The following OXNAD1 variants were observed in gnomAD, a reference collection of about 807,000 sequenced individuals.
OXNAD1 encodes oxidoreductase NAD-binding domain-containing protein 1.
OXNAD1 carries 34 observed loss-of-function variants against 32.9 expected under a neutral mutation model. That is an observed-to-expected ratio of 1.03 (90% confidence interval 0.79 to 1.38). OXNAD1 has a LOEUF of 1.38. Ranked by LOEUF, OXNAD1 falls within the 40% of genes most tolerant of loss-of-function variation. The pLI, the probability that OXNAD1 is intolerant of heterozygous loss-of-function variation, is 0.00. For synonymous variants in OXNAD1, 134 were observed against 135.2 expected (o/e 0.99, Z 0.06); for missense variants, 407 against 379.4 (o/e 1.07, Z -0.60).
At chr3:16,325,945 G>C (rs2069644276) in intron 9 of OXNAD1, among the ~76,000 whole-genome samples, 1 of 152,238 alleles carries the variant, frequency 6.6e-6, no homozygotes, top group South Asian at 2.1e-4. Context: ...TCAGCAGAGA[G>C]ACGGCCTGCT....
At chr3:16,274,083 T>A (rs532291853) in intron 4 of OXNAD1, among the ~76,000 whole-genome samples, 51 of 151,584 alleles carry the variant, frequency 3.4e-4, no homozygotes, top group South Asian at 1.5e-3. Flanking sequence ...TAGATGCTAA[T>A]GGCACGTCTC....
intron 5 of OXNAD1, among the ~76,000 whole-genome samples, chr3:16,292,191 A>T (rs932041582): frequency 3.6e-5 from 5 of 138,598 alleles, no homozygotes; most frequent in Admixed American, 7.5e-5. Context: ...TGTCTTCTTA[A>T]CTTTTTTTTT....
In OXNAD1 at chr3:16,301,981, C is replaced by T. The variant is rs2067218421; in HGVS notation, c.675+113C>T. The T allele has an allele frequency of 3.7e-6, 5 of 1,365,292 alleles. No homozygotes were observed. The South Asian group carries it at 7.2e-5, about 20-fold the overall frequency. 84.6% of individuals were successfully genotyped at this position (1,365,292 alleles called of 1,614,324 possible). ...GCAAAGGTTCAAACAAAAGGCTTGG[C>T]AAGATTTAATCATGCTTAAATGAGA... On this transcript the variant is annotated intron_variant, in intron 7 of 8. Transcript: ENST00000285083. The surrounding 1 kb of genome is among the most constrained non-coding windows in gnomAD (Gnocchi z 4.1).
At chr3:16,350,751 T>C (rs1187187106), downstream of OXNAD1, among the ~76,000 whole-genome samples, 1 of 152,146 alleles carries the variant, frequency 6.6e-6, no homozygotes, top group Non-Finnish European at 1.5e-5. Flanking sequence ...GGAGTGATTA[T>C]TCACAGGAAA....
chr3:16,348,142 T>C lies in OXNAD1; in HGVS notation c.*31-1034T>C, dbSNP rs1033802972. On this transcript the variant is annotated intron_variant, in intron 9 of 9. Transcript: ENST00000606098. The surrounding 1 kb of genome is among the most constrained non-coding windows in gnomAD (Gnocchi z 6.3). The stretch of plus-strand genomic sequence containing the variant: ...CACCTCGGAGCACTTGTGGCTCTTG[T>C]TGCTTAAAGCAGGGCAGGCTCCTGG... 1 of 152,132 alleles carries C rather than the reference T, an allele frequency of 6.6e-6. No homozygotes were observed. The highest frequency in any genetic ancestry group is 1.5e-5 in the Non-Finnish European group (1 of 68,026). 9.4% of individuals were successfully genotyped at this position (152,132 alleles called of 1,614,324 possible).
chr3:16,272,152 TATTTC>T (rs1253647125), intron 4 of OXNAD1: 1 of 454,482 alleles, frequency 2.2e-6, no homozygotes, highest in Non-Finnish European at 4.4e-6. Context: ...TAGAGCAACT[TATTTC>T]ATCAAGGGAG....
rs911400964 is a variant in OXNAD1 at position 16,348,528 on chromosome 3, T to G, written c.*31-648T>G. Among the ~76,000 whole-genome samples the G allele has an allele frequency of 2.0e-5, 3 of 152,110 alleles. No individual in the cohort carries two copies. Among genetic ancestry groups the G allele is most frequent in the African/African-American group, 4.8e-5 (2 of 41,440 alleles). The stretch of plus-strand genomic sequence containing the variant: ...TGTGTCCAGGAGGCCTTGTTCAGTC[T>G]CTGCTCTCTCCCAGGGCACTTCTGG... On this transcript the variant is annotated intron_variant, in intron 9 of 9. Coordinates refer to the OXNAD1 transcript ENST00000606098. This position sits in a 1 kb window ranked among gnomAD's most constrained non-coding sequence, Gnocchi z 6.3.
rs1041280883 is a variant in OXNAD1, at chr3:16,317,654, G to A, written c.*30+14062G>A. Among the ~76,000 whole-genome samples the A allele has an allele frequency of 6.6e-6, 1 of 152,180 alleles. No individual in the cohort carries two copies. Among genetic ancestry groups the A allele is most frequent in the Non-Finnish European group, 1.5e-5 (1 of 68,044 alleles). On this transcript the variant is annotated intron_variant, in intron 9 of 9. Transcript: ENST00000435829. The surrounding 1 kb of genome is among the most constrained non-coding windows in gnomAD (Gnocchi z 4.3). ...GCAGGCTGAGGATTACCAGGCACGGGGCTGGCATTCTCTCACTAGGTCACC... is the reference window on the plus strand; with the variant it reads ...GCAGGCTGAGGATTACCAGGCACGGAGCTGGCATTCTCTCACTAGGTCACC...
chr3:16,317,728 T>C lies in OXNAD1; in HGVS notation c.*30+14136T>C, dbSNP rs1249980700. Among the ~76,000 whole-genome samples, 1 of 151,832 alleles carries C rather than the reference T, an allele frequency of 6.6e-6. No individual in the cohort carries two copies. Among genetic ancestry groups the C allele is most frequent in the Non-Finnish European group, 1.5e-5 (1 of 68,014 alleles). The stretch of plus-strand genomic sequence containing the variant: ...TGGGGCAGACACTGTGCTGTACCGC[T>C]CAGATCCCCCCACAGGACTGGCGGG... On this transcript the variant is annotated intron_variant, in intron 9 of 9. Transcript: ENST00000435829. This position sits in a 1 kb window ranked among gnomAD's most constrained non-coding sequence, Gnocchi z 4.3.
In OXNAD1 at chr3:16,280,193, TC is replaced by T. The variant is rs1472992515; in HGVS notation, c.184-6147del. Among the ~76,000 whole-genome samples, 1 of 152,042 alleles carries T rather than the reference TC, an allele frequency of 6.6e-6. No individual in the cohort carries two copies. The highest frequency in any genetic ancestry group is 2.1e-4 in the South Asian group (1 of 4,818). On this transcript the variant is annotated intron_variant, in intron 4 of 8. Coordinates refer to ENST00000285083, the MANE Select transcript of OXNAD1 (RefSeq NM_138381.5). This position sits in a 1 kb window ranked among gnomAD's most constrained non-coding sequence, Gnocchi z 4.5. ...GTTACATGTTACATGAGGTGGGAGA[TC>T]CTAGAGCTCGTGTGTTCTGATGGGG... is the stretch of plus-strand genomic sequence containing the variant.
rs2070858042 is a variant in OXNAD1, at chr3:16,336,458, T to C, written c.*31-654T>C. Among the ~76,000 whole-genome samples the C allele has an allele frequency of 6.6e-6, 1 of 152,206 alleles. No individual in the cohort carries two copies. The highest frequency in any genetic ancestry group is 1.5e-5 in the Non-Finnish European group (1 of 68,038). On this transcript the variant is annotated intron_variant, in intron 9 of 9. Coordinates refer to the OXNAD1 transcript ENST00000435829. The surrounding 1 kb of genome is among the most constrained non-coding windows in gnomAD (Gnocchi z 6.0). ...CCCTCTGCAGCCAGCACAGCTGGCC[T>C]TCCTCACCCTCAGCCTCCCAGGCCT...
At chr3:16,341,836 G>A (rs918012215), downstream of OXNAD1, among the ~76,000 whole-genome samples, 5 of 152,108 alleles carry the variant, frequency 3.3e-5, no homozygotes, top group Admixed American at 6.5e-5. This position sits in a 1 kb window ranked among gnomAD's most constrained non-coding sequence, Gnocchi z 4.7. Context: ...ATACAAAAAT[G>A]TATAACAGTT....
At chr3:16,307,150 G>C (rs1261655429), downstream of OXNAD1, among the ~76,000 whole-genome samples, 2 of 152,092 alleles carry the variant, frequency 1.3e-5, no homozygotes, top group African/African-American at 4.8e-5. Flanking sequence ...ACTATGAGTT[G>C]GTGCCTTAGC....
At chr3:16,347,244 A>C (rs1455644835) in intron 9 of OXNAD1, among the ~76,000 whole-genome samples, 1 of 152,236 alleles carries the variant, frequency 6.6e-6, no homozygotes, top group Non-Finnish European at 1.5e-5. Flanking sequence ...CATACTGTCA[A>C]GGACACCCTA....
At chr3:16,326,957 C>T in intron 9 of OXNAD1, 1 of 1,037,846 alleles carries the variant, frequency 9.6e-7, no homozygotes. Flanking sequence ...TTCAGTCTGC[C>T]AATCCGCAAA....
At chr3:16,285,755 T>G (rs572413180) in intron 4 of OXNAD1, among the ~76,000 whole-genome samples, 1 of 152,330 alleles carries the variant, frequency 6.6e-6, no homozygotes, top group East Asian at 1.9e-4. Flanking sequence ...AAAATGAATT[T>G]GAAAATTAAT....
chr3:16,323,365 A>C (rs751034312), intron 9 of OXNAD1: 1 of 1,594,258 alleles, frequency 6.3e-7, no homozygotes, highest in South Asian at 1.1e-5. Flanking sequence ...AAGGCCATCA[A>C]AGTCTCTTAC....
intron 6 of OXNAD1, among the ~76,000 whole-genome samples, chr3:16,296,996 A>G (rs972043838): frequency 6.6e-6 from 1 of 152,226 alleles, no homozygotes; most frequent in Non-Finnish European, 1.5e-5. Context: ...ATGATAGGAC[A>G]TGGTCAAAAG....
In OXNAD1 at chr3:16,280,591, C is replaced by T. The variant is rs2065671319; in HGVS notation, c.184-5751C>T. On this transcript the variant is annotated intron_variant, in intron 4 of 8. Transcript: ENST00000285083. The surrounding 1 kb of genome is among the most constrained non-coding windows in gnomAD (Gnocchi z 4.5). ...AAGTTTCCTTCAATTCTGAAATTCTCTGAACCATACCTACATTTTTGTTTT... is the reference window on the plus strand; with the variant it reads ...AAGTTTCCTTCAATTCTGAAATTCTTTGAACCATACCTACATTTTTGTTTT... Among the ~76,000 whole-genome samples the T allele has an allele frequency of 1.3e-5, 2 of 152,084 alleles. No homozygotes were observed.
Sources: gnomAD v4.1 joint callset for allele counts (sites outside exome capture counted in the v4.1 genomes callset) on GRCh38, gnomAD v4.1.1 for gene constraint, Gnocchi (gnomAD v3.1) non-coding constraint, MANE v1.5 for transcripts, NCBI Gene and HGNC (gene_info 2026-07-23, HGNC 2026-07-21) for gene names.